Variants in BCHE observed in about 807,000 individuals in gnomAD.
BCHE encodes the protein butyrylcholinesterase.
In BCHE, 48 loss-of-function variants were observed where a neutral mutation model predicts 51.3. That is an observed-to-expected ratio of 0.94 (90% CI 0.74 to 1.19). The LOEUF is 1.19. Among genes scored for constraint, BCHE ranks in the 50% most tolerant of loss-of-function variants. The pLI is 0.00. For synonymous variants in BCHE, 251 were observed against 238.0 expected (o/e 1.05, Z -0.50); for missense variants, 847 against 708.2 (o/e 1.20, Z -2.23).
intron 3 of BCHE, among the ~76,000 whole-genome samples, 157 bp downstream of exon 3, chr3:165,785,988 A>C (rs1158837281): frequency 1.3e-5 from 2 of 151,808 alleles, no homozygotes; most frequent in Non-Finnish European, 3.0e-5. Flanking sequence ...AACTTGATAG[A>C]AGAAAGTCTT....
chr3:165,803,435 TAA>T (rs571817747), intron 2 of BCHE, among the ~76,000 whole-genome samples: 264 of 152,032 alleles, frequency 1.7e-3, no homozygotes, highest in African/African-American at 6.2e-3. Context: ...TATGCACTTC[TAA>T]AAAAAATAAA....
At chr3:165,824,439 A>G (rs1051252204) in intron 2 of BCHE, among the ~76,000 whole-genome samples, 5 of 152,064 alleles carry the variant, frequency 3.3e-5, no homozygotes, top group Admixed American at 1.3e-4. Flanking sequence ...GGGCAAAACT[A>G]TAGTTAATAT....
chr3:165,834,176 G>A (rs1715101483), intron 1 of BCHE, among the ~76,000 whole-genome samples: 1 of 151,282 alleles, frequency 6.6e-6, no homozygotes, highest in Non-Finnish European at 1.5e-5. Flanking sequence ...TTAAACAGTT[G>A]CTATAACATC....
chr3:165,808,651 C>G (rs1007659159), intron 2 of BCHE, among the ~76,000 whole-genome samples: 1 of 151,894 alleles, frequency 6.6e-6, no homozygotes, highest in Non-Finnish European at 1.5e-5. Context: ...GTGGCTCATT[C>G]CTGTAATCTC....
chr3:165,773,935 A>T (rs542444771), intron 3 of BCHE, among the ~76,000 whole-genome samples: 1 of 152,256 alleles, frequency 6.6e-6, no homozygotes, highest in African/African-American at 2.4e-5. Context: ...AAAATTATAT[A>T]TGACTACAGT....
At chr3:165,816,380 A>G (rs1560017297) in intron 2 of BCHE, among the ~76,000 whole-genome samples, 1 of 152,036 alleles carries the variant, frequency 6.6e-6, no homozygotes, top group Non-Finnish European at 1.5e-5. Flanking sequence ...GTTCACAATC[A>G]TGTTGCAATA....
At chr3:165,817,281 A>G (rs2108226043) in intron 2 of BCHE, among the ~76,000 whole-genome samples, 1 of 152,122 alleles carries the variant, frequency 6.6e-6, no homozygotes, top group East Asian at 1.9e-4. Flanking sequence ...TCATTTCTCA[A>G]CTGGATTGCT....
Position 165,807,750 on chromosome 3 carries a change from G to C in BCHE, c.1518-21439C>G, listed in dbSNP as rs550463787. On this transcript the variant is annotated intron_variant, in intron 2 of 3. Transcript: ENST00000264381. ...TTTTTTGTACAATATTTTTAGTAGA[G>C]ACAGGGTCTCACTATGTTGGCCAAG... Among the ~76,000 whole-genome samples, 6 of 151,536 alleles carry C rather than the reference G, an allele frequency of 4.0e-5. No individual in the cohort carries two copies. The East Asian group carries it at 1.2e-3, about 30-fold the overall frequency.
At chr3:165,806,158 T>A (rs1028374210) in intron 2 of BCHE, among the ~76,000 whole-genome samples, 1 of 152,176 alleles carries the variant, frequency 6.6e-6, no homozygotes, top group South Asian at 2.1e-4. Context: ...AGTTTTCACA[T>A]GGTGCTCTTG....
chr3:165,804,177 C>G (rs143085215), intron 2 of BCHE, among the ~76,000 whole-genome samples: 2 of 151,870 alleles, frequency 1.3e-5, no homozygotes, highest in African/African-American at 4.8e-5. Context: ...TAAGTGACTT[C>G]GCAACATGGA....
chr3:165,837,106 A>G (rs1050788776), intron 1 of BCHE, among the ~76,000 whole-genome samples: 2 of 152,158 alleles, frequency 1.3e-5, no homozygotes, highest in Admixed American at 1.3e-4. Flanking sequence ...TTAAATAAAC[A>G]AAGTCTGCGT....
chr3:165,836,413 T>A (rs1715189363), intron 1 of BCHE, among the ~76,000 whole-genome samples: 1 of 151,972 alleles, frequency 6.6e-6, no homozygotes, highest in South Asian at 2.1e-4. Flanking sequence ...TAATTGAGTT[T>A]ATTATCATGA....
chr3:165,830,793 A>G lies in BCHE; in HGVS notation c.241T>C (p.Ser81Pro). 1.2e-6 allele frequency: 2 copies of G among 1,613,746 alleles called. No individual in the cohort carries two copies. Among genetic ancestry groups the G allele is most frequent in the Non-Finnish European group, 1.7e-6 (2 of 1,179,818 alleles). ...TATTTTGTGGCATTCCAAATATCAG[A>G]CCACTTGGTCAGAGACTGTGGCTTT... ...FKKPQSLTKW[S>P]DIWNATKYAN... is the part of the protein sequence containing the mutation. Residue 81 changes from serine (S) to proline (P), a missense_variant, in exon 2 of 4, where the codon TCT becomes CCT. By Grantham distance (74) the Ser-to-Pro change is moderately conservative. Coordinates refer to ENST00000264381, the MANE Select transcript of BCHE (RefSeq NM_000055.4).
chr3:165,784,149 T>C (rs1277676003), intron 3 of BCHE, among the ~76,000 whole-genome samples: 3 of 152,074 alleles, frequency 2.0e-5, no homozygotes, highest in South Asian at 4.1e-4. Context: ...CCAAAAACTT[T>C]AGCCCAGGTC....
At chr3:165,822,200 A>G (rs1714551563) in intron 2 of BCHE, among the ~76,000 whole-genome samples, 2 of 151,966 alleles carry the variant, frequency 1.3e-5, no homozygotes, top group South Asian at 2.1e-4. Context: ...TAAATAAATG[A>G]TAAATAAATA....
chr3:165,791,756 C>T (rs1395459191), intron 2 of BCHE, among the ~76,000 whole-genome samples: 2 of 151,948 alleles, frequency 1.3e-5, no homozygotes, highest in African/African-American at 4.8e-5. Flanking sequence ...AGTGCAAGAC[C>T]AGAGTGGCCA....
At chr3:165,774,787 G>A (rs937631173) in intron 3 of BCHE, among the ~76,000 whole-genome samples, 7 of 152,176 alleles carry the variant, frequency 4.6e-5, no homozygotes, top group Non-Finnish European at 8.8e-5. Flanking sequence ...TTAGGAGAAA[G>A]GGGTGTGTAG....
In BCHE at chr3:165,792,904, T is replaced by C. The variant is rs578135819; in HGVS notation, c.1518-6593A>G. ...GGCAACTTAAAGTTGTACATTTGGT[T>C]GTTTCATCTTACTTTTCCTATAAAC... On this transcript the variant is annotated intron_variant, in intron 2 of 3. Coordinates refer to ENST00000264381, the MANE Select transcript of BCHE (RefSeq NM_000055.4). 5.9e-5 allele frequency among the ~76,000 whole-genome samples: 9 copies of C among 152,326 alleles called. No individual in the cohort carries two copies. The East Asian group carries it at 1.4e-3, about 23-fold the overall frequency.
chr3:165,822,118 G>A (rs1714549295), intron 2 of BCHE, among the ~76,000 whole-genome samples: 1 of 151,844 alleles, frequency 6.6e-6, no homozygotes, highest in Admixed American at 6.6e-5. Flanking sequence ...CAAAATAAAA[G>A]TGACATGTCA....
Sources: allele counts gnomAD v4.1 joint callset (sites outside exome capture counted in the v4.1 genomes callset), GRCh38; gene constraint gnomAD v4.1.1; transcripts MANE v1.5; gene names NCBI Gene and HGNC (gene_info 2026-07-23, HGNC 2026-07-21).